UNC13C: variants seen among roughly 807,000 people sequenced by gnomAD.
UNC13C encodes protein unc-13 homolog C.
Under a neutral mutation model 245.4 loss-of-function variants are expected in UNC13C, and 174 were observed. The observed-to-expected ratio is 0.71, with a 90% CI of 0.63 to 0.80. The LOEUF is 0.80. UNC13C is among the 30% of genes least tolerant of loss of function. The pLI, the probability that UNC13C is intolerant of heterozygous loss-of-function variation, is 0.00. For synonymous variants in UNC13C, 992 were observed against 895.1 expected (o/e 1.11, Z -1.93); for missense variants, 2,829 against 2,602.9 (o/e 1.09, Z -1.89).
chr15:54,052,160 A>G (rs1297507709), intron 2 of UNC13C, among the ~76,000 whole-genome samples: 1 of 102,946 alleles, frequency 9.7e-6, no homozygotes. Flanking sequence ...CCAGTCTATC[A>G]TTGTTGGACA....
chr15:54,524,664 C>T (rs1211946836), intron 24 of UNC13C, among the ~76,000 whole-genome samples: 2 of 152,078 alleles, frequency 1.3e-5, no homozygotes, highest in Non-Finnish European at 2.9e-5. Context: ...GTATCGGCTC[C>T]CAGGAGTTTA....
intron 4 of UNC13C, among the ~76,000 whole-genome samples, chr15:54,210,337 T>A (rs2034842685): frequency 6.6e-6 from 1 of 151,460 alleles, no homozygotes; most frequent in East Asian, 1.9e-4. Context: ...AGTTACTTTG[T>A]CACTAATTAG....
rs150522650 is a variant in UNC13C at position 54,372,840 on chromosome 15, A to G, written c.4714-20208A>G. On this transcript the variant is annotated intron_variant, in intron 17 of 32. Transcript: ENST00000260323. ...GAAGCATTCTATACCTGCATTGCCT[A>G]ATAGAGTAGCTGTAGCCACTAGCCA... Among the ~76,000 whole-genome samples the G allele has an allele frequency of 2.3e-3, 348 of 152,314 alleles. 1 individual carries two copies. The highest frequency in any genetic ancestry group is 8.0e-3 in the African/African-American group (331 of 41,574).
At chr15:54,102,627 A>G (rs1230762537) in intron 2 of UNC13C, among the ~76,000 whole-genome samples, 8 of 152,162 alleles carry the variant, frequency 5.3e-5, no homozygotes, top group Admixed American at 1.3e-4. Flanking sequence ...TGTAGCTACT[A>G]TTTTCTACTT....
intron 13 of UNC13C, among the ~76,000 whole-genome samples, chr15:54,319,480 G>A (rs997333831): frequency 5.3e-5 from 8 of 151,642 alleles, no homozygotes; most frequent in Non-Finnish European, 7.4e-5. Context: ...ATTAATAATC[G>A]AAATCCAGGG....
At chr15:54,470,690 A>G (rs1892415184) in intron 19 of UNC13C, among the ~76,000 whole-genome samples, 1 of 151,314 alleles carries the variant, frequency 6.6e-6, no homozygotes, top group Non-Finnish European at 1.5e-5. Context: ...TCTTTTTAAA[A>G]GCCAATTTTT....
the UNC13C span, among the ~76,000 whole-genome samples, chr15:53,867,623 G>C: frequency 6.6e-6 from 1 of 152,314 alleles, no homozygotes; most frequent in East Asian, 1.9e-4. Flanking sequence ...ATAGGATTGC[G>C]GGGGCAGGGA....
intron 2 of UNC13C, among the ~76,000 whole-genome samples, chr15:54,104,092 G>A (rs1332498881): frequency 1.3e-5 from 2 of 152,162 alleles, no homozygotes; most frequent in African/African-American, 4.8e-5. Context: ...TTTCTTTCAT[G>A]GTCCTTGGGC....
intron 10 of UNC13C, among the ~76,000 whole-genome samples, chr15:54,271,022 T>A (rs1310784849): frequency 2.6e-5 from 4 of 152,216 alleles, no homozygotes; most frequent in African/African-American, 9.6e-5. Flanking sequence ...AATTGCACTT[T>A]AATGCCCTCT....
chr15:53,837,933 A>G, the UNC13C span, among the ~76,000 whole-genome samples: 1 of 152,178 alleles, frequency 6.6e-6, no homozygotes, highest in Non-Finnish European at 1.5e-5. Context: ...AAATCAATGC[A>G]TTATTTTAAA....
chr15:54,197,037 C>T (rs1398027665), intron 4 of UNC13C, among the ~76,000 whole-genome samples: 1 of 151,734 alleles, frequency 6.6e-6, no homozygotes, highest in Non-Finnish European at 1.5e-5. Flanking sequence ...TGCCCATGTA[C>T]CCTAAAACTT....
intron 17 of UNC13C, among the ~76,000 whole-genome samples, chr15:54,383,346 G>A (rs1166972390): frequency 6.6e-6 from 1 of 152,096 alleles, no homozygotes; most frequent in Non-Finnish European, 1.5e-5. Context: ...TCATGATCAA[G>A]TGAGATTTAT....
the UNC13C span, chr15:53,910,889 A>C: frequency 3.4e-5 from 4 of 116,340 alleles, 1 homozygote; most frequent in Admixed American, 9.4e-5. Flanking sequence ...GTAGTCATGT[A>C]CCTGACAATT....
intron 4 of UNC13C, among the ~76,000 whole-genome samples, chr15:54,227,563 T>C (rs1159518076): frequency 1.3e-5 from 2 of 151,876 alleles, no homozygotes; most frequent in Non-Finnish European, 2.9e-5. Context: ...GGCAGGGGGG[T>C]AGTGTGTCAG....
intron 4 of UNC13C, among the ~76,000 whole-genome samples, chr15:54,197,363 G>A (rs1414254965): frequency 6.6e-6 from 1 of 151,724 alleles, no homozygotes; most frequent in Non-Finnish European, 1.5e-5. Context: ...TAAGTGGGAG[G>A]CTAAGACAGG....
At chr15:54,521,278 C>T (rs1448432465) in intron 24 of UNC13C, among the ~76,000 whole-genome samples, 5 of 152,110 alleles carry the variant, frequency 3.3e-5, no homozygotes, top group African/African-American at 9.7e-5. Context: ...ATTTGCACTT[C>T]TTTACAGAAA....
chr15:53,954,628 C>T, the UNC13C span, among the ~76,000 whole-genome samples: 22 of 152,068 alleles, frequency 1.4e-4, no homozygotes, highest in Admixed American at 3.3e-4. Context: ...CAGGTTTTGC[C>T]GTCTAATTAT....
chr15:54,056,369 G>A (rs952381095), intron 2 of UNC13C, among the ~76,000 whole-genome samples: 2 of 152,172 alleles, frequency 1.3e-5, no homozygotes, highest in African/African-American at 4.8e-5. Flanking sequence ...AGCAATGGAA[G>A]ACGAAATGAA....
chr15:53,922,826 C>T, the UNC13C span, among the ~76,000 whole-genome samples: 29 of 152,268 alleles, frequency 1.9e-4, no homozygotes, highest in Non-Finnish European at 3.4e-4. Context: ...TTTAATCTTT[C>T]TGTGTCTTAC....
Sources: allele counts gnomAD v4.1 joint callset (sites outside exome capture counted in the v4.1 genomes callset), GRCh38; gene constraint gnomAD v4.1.1; transcripts MANE v1.5; gene names NCBI Gene and HGNC (gene_info 2026-07-23, HGNC 2026-07-21).